The following DST variants were observed in gnomAD, a reference collection of about 807,000 sequenced individuals.
DST encodes dystonin.
A neutral mutation model predicts 875.2 loss-of-function variants in DST; 253 were observed. The ratio of observed to expected loss-of-function variants is 0.29; its 90% CI spans 0.26 to 0.32. DST has a LOEUF of 0.32. Ranked by LOEUF, DST falls within the 10% of genes least tolerant of loss-of-function variation. The pLI, the probability that DST is intolerant of heterozygous loss-of-function variation, is 1.00. For synonymous variants in DST, 3,124 were observed against 3,197.1 expected (o/e 0.98, Z 0.77); for missense variants, 8,287 against 9,111.6 (o/e 0.91, Z 3.68).
rs1005461687 is a variant in DST at position 56,494,079 on chromosome 6, A to G, written c.20325T>C (p.Asn6775=). 1.2e-6 allele frequency: 2 copies of G among 1,611,300 alleles called. No homozygotes were observed. Residue 6775 remains asparagine (N), a synonymous_variant, in exon 83 of 104, where the codon AAT becomes AAC. Coordinates refer to ENST00000680361, the MANE Select transcript of DST (RefSeq NM_001374736.1). ...LARCPKSAET[N]IDQDINNLKE... is the part of the protein sequence containing the mutation. ...TCAAGTTATTTATGTCTTGGTCAAT[A>G]TTTGTCTCTGCAGATTTTGGGCATC...
In DST at chr6:56,715,371, C is replaced by T. The variant is rs2099391230; in HGVS notation, c.688-11002G>A. ...ATGTCCACTTCTGCATGCCAAGCCT[C>T]CTAAGTATTTCCCCTATTAAGGAGC... On this transcript the variant is annotated intron_variant, in intron 5 of 103. Transcript: ENST00000680361. Among the ~76,000 whole-genome samples the T allele has an allele frequency of 2.6e-5, 4 of 152,170 alleles. 1 individual carries two copies. In the South Asian group the frequency reaches 8.3e-4, roughly 32 times the overall value.
intron 4 of DST, among the ~76,000 whole-genome samples, chr6:56,765,604 G>A (rs1332478760): frequency 6.6e-6 from 1 of 152,220 alleles, no homozygotes; most frequent in Non-Finnish European, 1.5e-5. Context: ...CAGAGGTGAT[G>A]AGAGGCAGCA....
In DST at chr6:56,630,393, GA is replaced by G. The variant is rs1324708393; in HGVS notation, c.4143-11del. The G allele has an allele frequency of 6.2e-7, 1 of 1,610,782 alleles. No homozygotes were observed. On this transcript the variant is annotated splice_polypyrimidine_tract_variant and intron_variant, in intron 30 of 103. Coordinates refer to ENST00000680361, the MANE Select transcript of DST (RefSeq NM_001374736.1). ...GTTAACAGTTTTCAACCTTAAAAAG[GA>G]AATTAAACAATAGCCACCTATGGTT...
At chr6:56,701,661 G>C (rs1428034655) in intron 8 of DST, among the ~76,000 whole-genome samples, 1 of 152,114 alleles carries the variant, frequency 6.6e-6, no homozygotes, top group East Asian at 1.9e-4. Context: ...TTCTTACATA[G>C]ATGGAAATGT....
At chr6:56,482,976 G>T in intron 88 of DST, 99 bp from the exon 89 acceptor site, 1 of 843,648 alleles carries the variant, frequency 1.2e-6, no homozygotes. Flanking sequence ...ATCATGTAAA[G>T]ATATCTAAGA....
intron 3 of DST, chr6:56,864,112 C>T (rs1772762519): frequency 6.6e-6 from 1 of 152,178 alleles, no homozygotes; most frequent in Admixed American, 6.5e-5. Flanking sequence ...CCAATCAGGC[C>T]TTAAGAGCAA....
Position 56,744,247 on chromosome 6 carries a change from T to C in DST, c.626-8958A>G, listed in dbSNP as rs186188193. ...TTCTGAGCTTAATGACTCTAAAGAG[T>C]GGAGGGAGGGGAGCTGCAATGCTTC... On this transcript the variant is annotated intron_variant, in intron 4 of 103. Coordinates refer to ENST00000680361, the MANE Select transcript of DST (RefSeq NM_001374736.1). Among the ~76,000 whole-genome samples the C allele has an allele frequency of 2.8e-5, 4 of 141,720 alleles. No individual in the cohort carries two copies. The East Asian group carries it at 8.2e-4, about 29-fold the overall frequency. 93.0% of individuals were successfully genotyped at this position (141,720 alleles called of 152,430 possible).
At chr6:56,557,566 C>T in intron 58 of DST, 48 bp from the exon 59 acceptor site, 1 of 1,413,510 alleles carries the variant, frequency 7.1e-7, no homozygotes, top group East Asian at 2.4e-5. Context: ...TTGCATTTAA[C>T]ATGACTATGT....
At chr6:56,836,526 A>C (rs969521210) in intron 4 of DST, among the ~76,000 whole-genome samples, 2 of 151,948 alleles carry the variant, frequency 1.3e-5, no homozygotes, top group Non-Finnish European at 2.9e-5. Flanking sequence ...AACCAAACTA[A>C]CTCTACATAT....
At chr6:56,797,762 G>A (rs2099741831) in intron 4 of DST, among the ~76,000 whole-genome samples, 2 of 139,518 alleles carry the variant, frequency 1.4e-5, no homozygotes, top group Non-Finnish European at 3.0e-5. Flanking sequence ...AGGTTGCAGT[G>A]AACCGAGATT....
intron 44 of DST, among the ~76,000 whole-genome samples, chr6:56,601,115 C>T (rs79848216): frequency 0.032 from 4,817 of 151,952 alleles, 236 homozygotes; most frequent in African/African-American, 0.11. Context: ...CAGAGGAAAA[C>T]GAAACTCTTA....
intron 5 of DST, among the ~76,000 whole-genome samples, chr6:56,718,527 C>T (rs2099402880): frequency 6.6e-6 from 1 of 152,166 alleles, no homozygotes; most frequent in Non-Finnish European, 1.5e-5. Flanking sequence ...ACAAGATCTA[C>T]CATATGACCC....
intron 69 of DST, among the ~76,000 whole-genome samples, chr6:56,524,249 G>A (rs899133863): frequency 3.3e-5 from 5 of 151,402 alleles, no homozygotes; most frequent in African/African-American, 4.9e-5. Flanking sequence ...ACACCAGGAA[G>A]ACAGGTACCT....
chr6:56,678,724 T>C (rs1007170922), intron 9 of DST, among the ~76,000 whole-genome samples: 3 of 152,246 alleles, frequency 2.0e-5, no homozygotes, highest in Non-Finnish European at 2.9e-5. Context: ...ACAAAAGGTA[T>C]CCTGTCCCCC....
chr6:56,492,136 G>T, intron 85 of DST, 91 bp downstream of exon 85: 1 of 1,146,076 alleles, frequency 8.7e-7, no homozygotes. Context: ...GCCTAATACA[G>T]CCTGTGATAA....
chr6:56,485,393 A>G lies in DST; in HGVS notation c.21126T>C (p.Tyr7042=). ...DALQALIDWL[Y]RVEPQLAEDQ... The stretch of plus-strand genomic sequence containing the variant: ...CTTCTGCCAGCTGGGGTTCAACTCT[A>G]TATAACCAATCAATGAGAGCCTGTA... Residue 7042 remains tyrosine, a synonymous_variant, in exon 88 of 104, where the codon TAT becomes TAC. Coordinates refer to ENST00000680361, the MANE Select transcript of DST (RefSeq NM_001374736.1). 6.2e-7 allele frequency: 1 copy of G among 1,613,976 alleles called. No homozygotes were observed. Among genetic ancestry groups the G allele is most frequent in the Non-Finnish European group, 8.5e-7 (1 of 1,179,860 alleles).
chr6:56,487,510 T>C (rs182508879), intron 86 of DST, among the ~76,000 whole-genome samples: 1 of 152,342 alleles, frequency 6.6e-6, no homozygotes, highest in East Asian at 1.9e-4. Context: ...CACTTTATTA[T>C]AGAAACAGGT....
At position 56,528,833 on chromosome 6, in the gene DST, T is replaced by C; in HGVS notation, c.17680+8A>G. On this transcript the variant is annotated splice_region_variant and intron_variant, in intron 67 of 103. Transcript: ENST00000680361. ...CCACATGATGATTTGATTTGAAAGA[T>C]ATCTCACCTGTGGTTTGTTTAAGTA... 1.3e-6 allele frequency: 2 copies of C among 1,514,580 alleles called. No homozygotes were observed. The highest frequency in any genetic ancestry group is 9.0e-7 in the Non-Finnish European group (1 of 1,105,994). The allele number at this position is 1,514,580 out of a possible 1,614,324, so 93.8% of individuals were successfully genotyped here.
At chr6:56,649,490 A>G (rs992404719) in intron 12 of DST, among the ~76,000 whole-genome samples, 10 of 152,164 alleles carry the variant, frequency 6.6e-5, no homozygotes, top group African/African-American at 2.4e-4. Flanking sequence ...AGGCAAGCAT[A>G]TCTGTGCCTT....
Sources: gnomAD v4.1 joint callset for allele counts (sites outside exome capture counted in the v4.1 genomes callset) on GRCh38, gnomAD v4.1.1 for gene constraint, MANE v1.5 for transcripts, NCBI Gene and HGNC (gene_info 2026-07-23, HGNC 2026-07-21) for gene names.